KCNT2: variants seen among roughly 807,000 people sequenced by gnomAD.
The protein encoded by KCNT2 is potassium channel subfamily T member 2.
A neutral mutation model predicts 153.8 loss-of-function variants in KCNT2; 67 were observed. The observed-to-expected ratio is 0.44, with a 90% CI of 0.36 to 0.53. The LOEUF (loss-of-function observed/expected upper bound fraction) is 0.53. Among genes scored for constraint, KCNT2 ranks in the 20% least tolerant of loss-of-function variants. The pLI is 0.00. For synonymous variants in KCNT2, 500 were observed against 458.8 expected, an observed-to-expected ratio of 1.09 and a Z score of -1.15; for missense variants, 975 against 1,354.8, an observed-to-expected ratio of 0.72 and a Z score of 4.40.
At chr1:196,410,504 A>C (rs188624095) in intron 12 of KCNT2, among the ~76,000 whole-genome samples, 18 of 151,724 alleles carry the variant, frequency 1.2e-4, no homozygotes, top group Non-Finnish European at 1.5e-4. Context: ...CAAACATAGC[A>C]CACATACACA....
At chr1:196,568,619 A>C (rs1253684093) in intron 1 of KCNT2, among the ~76,000 whole-genome samples, 6 of 151,396 alleles carry the variant, frequency 4.0e-5, no homozygotes, top group African/African-American at 1.2e-4. Flanking sequence ...AAGAAAAGAA[A>C]AACACGCCAC....
At chr1:196,228,403 A>G (rs1316070441) in intron 27 of KCNT2, 68 bp from the exon 28 acceptor site, 1 of 762,502 alleles carries the variant, frequency 1.3e-6, no homozygotes, top group Non-Finnish European at 2.2e-6. Context: ...TCACACTGAC[A>G]CTTCATATTT....
At chr1:196,511,269 G>A (rs1029354724) in intron 1 of KCNT2, among the ~76,000 whole-genome samples, 18 of 151,974 alleles carry the variant, frequency 1.2e-4, no homozygotes, top group African/African-American at 3.9e-4. Context: ...TGTTCACCCC[G>A]GTGCTATCTG....
intron 23 of KCNT2, among the ~76,000 whole-genome samples, 179 bp from the exon 24 acceptor site, chr1:196,282,535 T>G (rs1659213488): frequency 6.6e-6 from 1 of 152,212 alleles, no homozygotes; most frequent in Non-Finnish European, 1.5e-5. Flanking sequence ...TAGATAAACA[T>G]GTACAGTTAA....
intron 1 of KCNT2, among the ~76,000 whole-genome samples, chr1:196,515,845 CA>C (rs1682003345): frequency 6.6e-6 from 1 of 152,114 alleles, no homozygotes; most frequent in Non-Finnish European, 1.5e-5. Context: ...GTAGCCTCCC[CA>C]ACCCAGGGAA....
At chr1:196,293,031 TAA>T (rs370417963) in intron 22 of KCNT2, among the ~76,000 whole-genome samples, 54 of 145,848 alleles carry the variant, frequency 3.7e-4, no homozygotes, top group African/African-American at 9.8e-4. Context: ...CACAATAGCA[TAA>T]AAAAAAAATA....
intron 8 of KCNT2, among the ~76,000 whole-genome samples, chr1:196,436,112 T>C (rs1486574176): frequency 6.6e-6 from 1 of 151,300 alleles, no homozygotes; most frequent in African/African-American, 2.4e-5. Context: ...GAATAGACTA[T>C]TCTGATTCAC....
At chr1:196,309,988 T>A (rs1419357475) in intron 21 of KCNT2, among the ~76,000 whole-genome samples, 1 of 151,834 alleles carries the variant, frequency 6.6e-6, no homozygotes. Context: ...ATGGAAGAGT[T>A]CTCTGCCTGC....
intron 1 of KCNT2, among the ~76,000 whole-genome samples, chr1:196,532,821 T>A (rs1440096628): frequency 1.3e-5 from 2 of 152,050 alleles, no homozygotes; most frequent in Non-Finnish European, 2.9e-5. Flanking sequence ...TCTCTTTTTA[T>A]AAACCAAGGC....
rs1025239259 is a variant in KCNT2 at position 196,437,377 on chromosome 1, T to C, written c.639-7620A>G. Among the ~76,000 whole-genome samples the C allele has an allele frequency of 2.1e-5, 3 of 140,832 alleles. No individual in the cohort carries two copies. In the Admixed American group the frequency reaches 2.3e-4, roughly 11 times the overall value. 92.4% of individuals were successfully genotyped at this position (140,832 alleles called of 152,430 possible). A position where few individuals can be genotyped will look rare whatever the true frequency, so the allele number is the denominator to read the frequency against. On this transcript the variant is annotated intron_variant, in intron 8 of 27. Transcript: ENST00000294725. ...ATATATTTTTATTTATATATATTTTTATTTATATATATACACAAATTTTAT... is the reference window on the plus strand; with the variant it reads ...ATATATTTTTATTTATATATATTTTCATTTATATATATACACAAATTTTAT...
At chr1:196,490,406 CTA>C (rs1679772057) in intron 2 of KCNT2, among the ~76,000 whole-genome samples, 1 of 148,438 alleles carries the variant, frequency 6.7e-6, no homozygotes, top group Non-Finnish European at 1.5e-5. Flanking sequence ...TTGTATAGTT[CTA>C]TGTTGTATAT....
chr1:196,608,283 G>A lies in KCNT2; in HGVS notation c.27C>T (p.Pro9=), dbSNP rs1665543185. Residue 9 remains proline, a synonymous_variant, in exon 1 of 28, where the codon CCC becomes CCT. Transcript: ENST00000294725. ...GAAACCTGTACCTGGGAGGCAGAGG[G>A]GGCACTTCGCTCTCCAAATCAACCA... MVDLESEV[P]PLPPRYRFRD... 1.2e-6 allele frequency: 2 copies of A among 1,613,960 alleles called. No homozygotes were observed. The highest frequency in any genetic ancestry group is 1.7e-5 in the Admixed American group (1 of 59,994).
At chr1:196,455,940 C>A (rs1020237261) in intron 8 of KCNT2, among the ~76,000 whole-genome samples, 4 of 152,006 alleles carry the variant, frequency 2.6e-5, no homozygotes, top group Non-Finnish European at 4.4e-5. Context: ...CTTTGGAGCC[C>A]AGGCAGATTG....
intron 25 of KCNT2, among the ~76,000 whole-genome samples, chr1:196,267,022 G>T (rs1657606644): frequency 6.6e-6 from 1 of 152,144 alleles, no homozygotes; most frequent in Admixed American, 6.5e-5. Flanking sequence ...ACAGTTACAG[G>T]GAAAGGCTTA....
intron 14 of KCNT2, among the ~76,000 whole-genome samples, chr1:196,361,623 T>C (rs1460929410): frequency 6.6e-6 from 1 of 152,008 alleles, no homozygotes; most frequent in Non-Finnish European, 1.5e-5. Flanking sequence ...GACCCATTGA[T>C]AAAGGGCGCT....
chr1:196,379,714 T>C (rs1669314647), intron 13 of KCNT2, among the ~76,000 whole-genome samples: 1 of 152,138 alleles, frequency 6.6e-6, no homozygotes, highest in Non-Finnish European at 1.5e-5. Flanking sequence ...ACTTAGATCT[T>C]TCTTCACTAT....
At chr1:196,585,132 A>T (rs968099737) in intron 1 of KCNT2, among the ~76,000 whole-genome samples, 3 of 152,124 alleles carry the variant, frequency 2.0e-5, no homozygotes, top group African/African-American at 7.2e-5. Context: ...GCAGATATTT[A>T]AAAAATGACA....
chr1:196,597,028 G>A (rs1187741963), intron 1 of KCNT2, among the ~76,000 whole-genome samples: 1 of 152,110 alleles, frequency 6.6e-6, no homozygotes, highest in Non-Finnish European at 1.5e-5. Flanking sequence ...ACATTAAATT[G>A]TATATTTACT....
chr1:196,554,270 A>G (rs746963210), intron 1 of KCNT2, among the ~76,000 whole-genome samples: 1 of 151,186 alleles, frequency 6.6e-6, no homozygotes, highest in African/African-American at 2.4e-5. Context: ...CAAACCAACT[A>G]AGAAAAAAGA....
Sources: allele counts gnomAD v4.1 joint callset (sites outside exome capture counted in the v4.1 genomes callset), GRCh38; gene constraint gnomAD v4.1.1; transcripts MANE v1.5; gene names NCBI Gene and HGNC (gene_info 2026-07-23, HGNC 2026-07-21).